The following ZNG1E variants were observed in gnomAD, a reference collection of about 807,000 sequenced individuals.
The protein encoded by ZNG1E is Zn regulated GTPase metalloprotein activator 1E, also known as zinc-regulated GTPase metalloprotein activator 1E.
the ZNG1E span, among the ~76,000 whole-genome samples, chr9:65,709,486 A>G: frequency 4.3e-5 from 5 of 115,742 alleles, no homozygotes; most frequent in Non-Finnish European, 6.7e-5. Flanking sequence ...ATATCTCCCA[A>G]TGCTATCCCT....
chr9:65,680,286 A>T, the ZNG1E span, among the ~76,000 whole-genome samples: 1 of 152,266 alleles, frequency 6.6e-6, no homozygotes, highest in African/African-American at 2.4e-5. Context: ...AGCCAGTTAT[A>T]TTCCAGTTAT....
chr9:65,694,488 C>A, the ZNG1E span, among the ~76,000 whole-genome samples: 2 of 151,942 alleles, frequency 1.3e-5, no homozygotes, highest in Non-Finnish European at 2.9e-5. Context: ...AAACGTTTAA[C>A]CTTCTGCTAC....
chr9:65,691,045 T>G, the ZNG1E span: 1 of 1,589,200 alleles, frequency 6.3e-7, no homozygotes, highest in Non-Finnish European at 8.5e-7. Flanking sequence ...AAAAACAGTT[T>G]TCTTTTATCT....
At chr9:65,659,422 G>T in the ZNG1E span, among the ~76,000 whole-genome samples, 3 of 151,382 alleles carry the variant, frequency 2.0e-5, no homozygotes, top group Admixed American at 6.6e-5. Context: ...TTGAACCCAG[G>T]AGGTGGAGGT....
chr9:65,732,576 A>G, the ZNG1E span: 1 of 1,029,102 alleles, frequency 9.7e-7, no homozygotes, highest in Admixed American at 4.8e-5. Flanking sequence ...CATTTCTAAA[A>G]CAAATTATTT....
the ZNG1E span, among the ~76,000 whole-genome samples, chr9:65,659,040 C>A: frequency 1.3e-5 from 2 of 152,124 alleles, no homozygotes; most frequent in Admixed American, 6.6e-5. Context: ...GCAGGGGACA[C>A]AATTCAGCCT....
chr9:65,687,318 A>G, the ZNG1E span, among the ~76,000 whole-genome samples: 8 of 140,802 alleles, frequency 5.7e-5, no homozygotes, highest in Non-Finnish European at 1.2e-4. Flanking sequence ...TTGCTTCTCC[A>G]TTCCCGAGTT....
chr9:65,704,989 T>A, the ZNG1E span: 3 of 146,058 alleles, frequency 2.1e-5, no homozygotes, highest in Non-Finnish European at 4.4e-5. Context: ...AGAAGTTTTG[T>A]TTTATTTTTT....
At chr9:65,664,144 A>T in the ZNG1E span, among the ~76,000 whole-genome samples, 2 of 152,062 alleles carry the variant, frequency 1.3e-5, no homozygotes, top group South Asian at 4.1e-4. Flanking sequence ...CATATAAAAA[A>T]TACATATTTA....
chr9:65,666,313 T>G, the ZNG1E span, among the ~76,000 whole-genome samples: 1 of 149,838 alleles, frequency 6.7e-6, no homozygotes, highest in Non-Finnish European at 1.5e-5. Flanking sequence ...TCTCATGAGA[T>G]CTGATGGTTT....
chr9:65,672,449 T>TTA, the ZNG1E span, among the ~76,000 whole-genome samples: 21 of 143,068 alleles, frequency 1.5e-4, no homozygotes, highest in African/African-American at 5.4e-4. Flanking sequence ...TCTTATAAGT[T>TTA]AAAAAAAAAA....
chr9:65,716,185 T>A, the ZNG1E span, among the ~76,000 whole-genome samples: 1 of 46,434 alleles, frequency 2.2e-5, no homozygotes, highest in Non-Finnish European at 5.1e-5. Context: ...TGAGATGGGG[T>A]TCTCTGTCAC....
At chr9:65,713,839 G>T in the ZNG1E span, among the ~76,000 whole-genome samples, 1 of 150,726 alleles carries the variant, frequency 6.6e-6, no homozygotes, top group Non-Finnish European at 1.5e-5. Context: ...GTGTCTTGGA[G>T]TTGCTCTTCT....
the ZNG1E span, among the ~76,000 whole-genome samples, chr9:65,699,074 A>ATTTAT: frequency 1.0e-4 from 15 of 148,112 alleles, no homozygotes; most frequent in South Asian, 6.4e-4. Context: ...TTTTTATTTT[A>ATTTAT]TTTATTTTAT....
the ZNG1E span, among the ~76,000 whole-genome samples, chr9:65,662,531 T>C: frequency 6.6e-6 from 1 of 151,512 alleles, no homozygotes; most frequent in Non-Finnish European, 1.5e-5. Flanking sequence ...ACTATTTTTG[T>C]AGCTTTTGTA....
the ZNG1E span, chr9:65,704,932 A>AAAC: frequency 1.9e-4 from 27 of 138,916 alleles, no homozygotes; most frequent in South Asian, 7.0e-4. Context: ...AAAAACAAAC[A>AAAC]AAAAAACCGG....
At chr9:65,672,696 T>A in the ZNG1E span, among the ~76,000 whole-genome samples, 2 of 148,668 alleles carry the variant, frequency 1.3e-5, no homozygotes, top group Admixed American at 6.7e-5. Context: ...TGAGCCAAGA[T>A]CGTGCCACTG....
At chr9:65,702,324 T>A in the ZNG1E span, among the ~76,000 whole-genome samples, 10 of 151,920 alleles carry the variant, frequency 6.6e-5, no homozygotes, top group African/African-American at 2.4e-4. Flanking sequence ...GATAAATAGA[T>A]GAGGTGTACA....
chr9:65,659,630 T>C, the ZNG1E span, among the ~76,000 whole-genome samples: 1 of 151,986 alleles, frequency 6.6e-6, no homozygotes, highest in Non-Finnish European at 1.5e-5. Flanking sequence ...CCAGATAGTA[T>C]AAATAATAGT....
Sources: gnomAD v4.1 joint callset for allele counts (sites outside exome capture counted in the v4.1 genomes callset) on GRCh38, gnomAD v4.1.1 for gene constraint, MANE v1.5 for transcripts, NCBI Gene and HGNC (gene_info 2026-07-23, HGNC 2026-07-21) for gene names.